SULT2B1: variants seen among roughly 807,000 people sequenced by gnomAD.
SULT2B1 encodes sulfotransferase family 2B member 1, also known as sulfotransferase 2B1.
A neutral mutation model predicts 33.2 loss-of-function variants in SULT2B1; 16 were observed. The ratio of observed to expected loss-of-function variants is 0.48; its 90% CI spans 0.33 to 0.73. The LOEUF (loss-of-function observed/expected upper bound fraction) is 0.73, where lower values mean the gene tolerates loss of function less well. SULT2B1 is among the 30% of genes least tolerant of loss of function. The pLI, the probability that SULT2B1 is intolerant of heterozygous loss-of-function variation, is 0.02. For synonymous variants in SULT2B1, 186 were observed against 200.5 expected, an observed-to-expected ratio of 0.93 and a Z score of 0.61; for missense variants, 500 against 506.0, an observed-to-expected ratio of 0.99 and a Z score of 0.11.
intron 1 of SULT2B1, among the ~76,000 whole-genome samples, chr19:48,571,611 A>G (rs1162139458): frequency 6.6e-6 from 1 of 151,378 alleles, no homozygotes; most frequent in East Asian, 1.9e-4. Flanking sequence ...CTTTAGGTAC[A>G]TTGGCAAACA....
chr19:48,586,883 G>C (rs1033189458), intron 2 of SULT2B1, among the ~76,000 whole-genome samples: 1 of 152,126 alleles, frequency 6.6e-6, no homozygotes, highest in African/African-American at 2.4e-5. Flanking sequence ...GGCCGAGGTG[G>C]GCAGAGCACC....
chr19:48,560,958 G>A (rs770217912), intron 1 of SULT2B1, among the ~76,000 whole-genome samples: 10 of 151,458 alleles, frequency 6.6e-5, no homozygotes, highest in South Asian at 2.1e-4. Context: ...GCAAAACTCC[G>A]TCTCAAAAAT....
intron 1 of SULT2B1, among the ~76,000 whole-genome samples, chr19:48,572,232 G>A (rs565444789): frequency 6.6e-6 from 1 of 152,050 alleles, no homozygotes; most frequent in African/African-American, 2.4e-5. Flanking sequence ...GGTGACATCT[G>A]TGCTGGGAGC....
chr19:48,558,352 G>C (rs567900217), intron 1 of SULT2B1, among the ~76,000 whole-genome samples: 2 of 152,148 alleles, frequency 1.3e-5, no homozygotes, highest in Non-Finnish European at 2.9e-5. Flanking sequence ...GGCGCTCTGC[G>C]GTTCCAGGCG....
chr19:48,573,704 G>C (rs1188616965), intron 1 of SULT2B1, among the ~76,000 whole-genome samples: 1 of 152,108 alleles, frequency 6.6e-6, no homozygotes, highest in Non-Finnish European at 1.5e-5. Context: ...ACAGGGCTGA[G>C]AGGCCACCAC....
intron 3 of SULT2B1, among the ~76,000 whole-genome samples, chr19:48,588,786 G>A (rs1973602920): frequency 6.6e-6 from 1 of 151,936 alleles, no homozygotes; most frequent in Non-Finnish European, 1.5e-5. Context: ...AGCCACAGAG[G>A]TTTCTAGAGG....
chr19:48,590,754 G>C (rs1275088029), intron 3 of SULT2B1, among the ~76,000 whole-genome samples: 1 of 152,174 alleles, frequency 6.6e-6, no homozygotes, highest in African/African-American at 2.4e-5. Flanking sequence ...GTTATTACAA[G>C]ACCTCACACC....
chr19:48,582,889 A>C (rs1973511649), intron 2 of SULT2B1, among the ~76,000 whole-genome samples: 1 of 150,732 alleles, frequency 6.6e-6, no homozygotes, highest in African/African-American at 2.5e-5. Flanking sequence ...ACGGTGGCTC[A>C]TGCCTGTAAT....
At chr19:48,590,629 C>T (rs557640820) in intron 3 of SULT2B1, among the ~76,000 whole-genome samples, 1 of 151,982 alleles carries the variant, frequency 6.6e-6, no homozygotes, top group Non-Finnish European at 1.5e-5. Flanking sequence ...ACAAAAAAAT[C>T]CAAGGGATTA....
chr19:48,558,657 T>TTTTTCTTTTTTCTTTTC (rs1973135088), intron 1 of SULT2B1, among the ~76,000 whole-genome samples: 1 of 150,158 alleles, frequency 6.7e-6, no homozygotes, highest in Non-Finnish European at 1.5e-5. Context: ...ATGAGGCTGC[T>TTTTTCTTTTTTCTTTTC]TTTTCTTTTT....
Position 48,591,731 on chromosome 19 carries a change from C to G in SULT2B1, c.546C>G (p.Gly182=), listed in dbSNP as rs746998782. The G allele has an allele frequency of 6.3e-7, 1 of 1,589,730 alleles. No individual in the cohort carries two copies. Among genetic ancestry groups the G allele is most frequent in the Middle Eastern group, 1.7e-4 (1 of 6,020 alleles). Residue 182 remains glycine, a synonymous_variant, in exon 4 of 7, where the codon GGC becomes GGG. Coordinates refer to ENST00000201586, the MANE Select transcript of SULT2B1 (RefSeq NM_177973.2). ...PDQFLRDFLK[G]EVQFGSWFDH... ...AGTTCCTGAGGGACTTCCTCAAAGG[C>G]GAAGGTGGGGACAGGGTAAAGCGGG...
chr19:48,591,544 C>T, intron 3 of SULT2B1, 65 bp from the exon 4 acceptor site: 1 of 1,545,220 alleles, frequency 6.5e-7, no homozygotes, highest in South Asian at 1.2e-5. Context: ...GGGCAGGAGG[C>T]CTCAGGGGCT....
At chr19:48,576,520 C>T (rs1401490878) in intron 2 of SULT2B1, among the ~76,000 whole-genome samples, 1 of 149,250 alleles carries the variant, frequency 6.7e-6, no homozygotes, top group Non-Finnish European at 1.5e-5. Flanking sequence ...TTTTTCGAGA[C>T]AAGGTCTTGC....
In SULT2B1 at chr19:48,560,456, G is replaced by C. The variant is rs544372236; in HGVS notation, c.71+8133G>C. Among the ~76,000 whole-genome samples, 262 of 151,812 alleles carry C rather than the reference G, an allele frequency of 1.7e-3. 2 individuals are homozygous for C. The highest frequency in any genetic ancestry group is 5.7e-3 in the African/African-American group (236 of 41,388). On this transcript the variant is annotated intron_variant, in intron 1 of 6. Coordinates refer to ENST00000201586, the MANE Select transcript of SULT2B1 (RefSeq NM_177973.2). ...GGGCTTGGAACTGCAGTCAGAGGCTGCCCCTCAGTGGCCATTTCTTCTCGG... is the reference window on the plus strand; with the variant it reads ...GGGCTTGGAACTGCAGTCAGAGGCTCCCCCTCAGTGGCCATTTCTTCTCGG...
At chr19:48,582,356 G>A (rs568770575) in intron 2 of SULT2B1, among the ~76,000 whole-genome samples, 43 of 151,712 alleles carry the variant, frequency 2.8e-4, no homozygotes, top group Admixed American at 2.6e-4. Context: ...GTTTCCTAGT[G>A]ACTGATATTA....
At chr19:48,580,187 C>A (rs978814738) in intron 2 of SULT2B1, among the ~76,000 whole-genome samples, 2 of 151,998 alleles carry the variant, frequency 1.3e-5, no homozygotes, top group Non-Finnish European at 2.9e-5. Flanking sequence ...CCTCCTTGGC[C>A]TCCCAAAGTG....
chr19:48,581,029 CTTTTTTTTTTT>C (rs57093444), intron 2 of SULT2B1, among the ~76,000 whole-genome samples: 35 of 65,098 alleles, frequency 5.4e-4, no homozygotes, highest in African/African-American at 2.1e-3. Context: ...ATATATATTC[CTTTTTTTTTTT>C]TTTTTTTTTT....
At chr19:48,583,612 G>T (rs1006516307) in intron 2 of SULT2B1, among the ~76,000 whole-genome samples, 3 of 151,990 alleles carry the variant, frequency 2.0e-5, no homozygotes, top group Admixed American at 6.6e-5. Context: ...GAGGTCAGGA[G>T]TTCAAGACCA....
chr19:48,555,590 T>TCTCTCTCTCTCTCTC (rs60898646), intron 1 of SULT2B1, among the ~76,000 whole-genome samples: 2 of 96,484 alleles, frequency 2.1e-5, no homozygotes, highest in African/African-American at 9.5e-5. Flanking sequence ...CTCTCTCTCT[T>TCTCTCTCTCTCTCTC]TTGAGACAGA....
Sources: gnomAD v4.1 joint callset for allele counts (sites outside exome capture counted in the v4.1 genomes callset) on GRCh38, gnomAD v4.1.1 for gene constraint, MANE v1.5 for transcripts, NCBI Gene and HGNC (gene_info 2026-07-23, HGNC 2026-07-21) for gene names.